Variants in MCCD1 observed in about 807,000 individuals in gnomAD.
MCCD1 encodes mitochondrial coiled-coil domain 1.
In MCCD1, 5 loss-of-function variants were observed where a neutral mutation model predicts 5.6. That is an observed-to-expected ratio of 0.89 (90% confidence interval 0.46 to 1.87). The LOEUF is 1.87. Among genes scored for constraint, MCCD1 ranks in the 40% most tolerant of loss-of-function variants. MCCD1 has a pLI of 0.01. For synonymous variants in MCCD1, 70 were observed against 57.3 expected, an observed-to-expected ratio of 1.22 and a Z score of -1.00; for missense variants, 178 against 141.8, an observed-to-expected ratio of 1.26 and a Z score of -1.30.
At chr6:31,529,700 C>T (rs753335982) in intron 1 of MCCD1, 47 bp from the exon 2 acceptor site, 32 of 1,402,076 alleles carry the variant, frequency 2.3e-5, no homozygotes, top group Non-Finnish European at 1.9e-6. Context: ...CCCAGGGCCT[C>T]AGCCCCCTGC....
At chr6:31,529,489 C>T (rs1766890037) in intron 1 of MCCD1, among the ~76,000 whole-genome samples, 1 of 151,868 alleles carries the variant, frequency 6.6e-6, no homozygotes. Context: ...TTCCAGTGAC[C>T]CCATATCCTT....
rs1253384988 is a variant in MCCD1, at chr6:31,529,965, G to A, written c.*30G>A. The A allele has an allele frequency of 2.0e-6, 3 of 1,473,986 alleles. No homozygotes were observed. The highest frequency in any genetic ancestry group is 2.7e-6 in the Non-Finnish European group (3 of 1,105,582). 91.3% of individuals were successfully genotyped at this position (1,473,986 alleles called of 1,614,324 possible). Reference sequence around the variant, plus strand: ...CCCCCAGTGCCCACAGCACCCTCCGGCGCTGAAAATACACGCACCACCCAC... The same window carrying A: ...CCCCCAGTGCCCACAGCACCCTCCGACGCTGAAAATACACGCACCACCCAC... On this transcript the variant is annotated 3_prime_UTR_variant, in exon 2 of 2. Transcript: ENST00000376191.
intron 1 of MCCD1, 147 bp from the exon 2 acceptor site, chr6:31,529,600 T>C: frequency 1.0e-6 from 1 of 991,162 alleles, no homozygotes; most frequent in Non-Finnish European, 1.4e-6. Context: ...TACCTGGCCT[T>C]CTCAGTACAG....
chr6:31,529,743 C>A lies in MCCD1; in HGVS notation c.172-4C>A, dbSNP rs113807067. 4,618 of 1,462,302 alleles carry A rather than the reference C, an allele frequency of 3.2e-3. 118 individuals are homozygous for A. In the African/African-American group the frequency reaches 0.053, roughly 17 times the overall value. The allele number at this position is 1,462,302 out of a possible 1,614,324, so 90.6% of individuals were successfully genotyped here. On this transcript the variant is annotated splice_region_variant and splice_polypyrimidine_tract_variant and intron_variant, in intron 1 of 1. Coordinates refer to ENST00000376191, the MANE Select transcript of MCCD1 (RefSeq NM_001011700.3). The stretch of plus-strand genomic sequence containing the variant: ...GATGCTCCCTCCCTTAATTCCCTGA[C>A]CAGGGCCCTGGGACCCACCGCACAG...
rs1207675468 is a variant in MCCD1 at position 31,530,061 on chromosome 6, C to T, written c.*126C>T. ...AGAAAGTGGAAGAGACCACAAAGCG[C>T]AGGCAATTGGCAGGCAGTGGGGGAG... On this transcript the variant is annotated 3_prime_UTR_variant, in exon 2 of 2. Transcript: ENST00000376191. The surrounding 1 kb of genome is among the most constrained non-coding windows in gnomAD (Gnocchi z 4.5). 7.1e-7 allele frequency: 1 copy of T among 1,412,724 alleles called. No individual in the cohort carries two copies. Among genetic ancestry groups the T allele is most frequent in the Non-Finnish European group, 9.3e-7 (1 of 1,077,996 alleles). 87.5% of individuals were successfully genotyped at this position (1,412,724 alleles called of 1,614,324 possible).
Position 31,529,800 on chromosome 6 carries a change from G to C in MCCD1, c.225G>C (p.Glu75Asp). 3 of 1,581,494 alleles carry C rather than the reference G, an allele frequency of 1.9e-6. No homozygotes were observed. The highest frequency in any genetic ancestry group is 1.7e-6 in the Non-Finnish European group (2 of 1,161,472). The change falls in exon 2 of 2, where the codon GAG becomes GAC. Residue 75 changes from glutamate (E) to aspartate (D), a missense_variant. Coordinates refer to ENST00000376191, the MANE Select transcript of MCCD1 (RefSeq NM_001011700.3). ...AELARAEELL[E>D]QQLELYQALL... ...TGGCCCGAGCTGAAGAGTTGTTGGA[G>C]CAGCAGCTGGAGCTGTACCAGGCCC...
chr6:31,529,551 CCTA>C (rs1766897673), intron 1 of MCCD1, among the ~76,000 whole-genome samples, 193 bp from the exon 2 acceptor site: 1 of 152,188 alleles, frequency 6.6e-6, no homozygotes. Flanking sequence ...ATTTGCTCCC[CCTA>C]CTACCACCCA....
chr6:31,529,981 C>G lies in MCCD1; in HGVS notation c.*46C>G. On this transcript the variant is annotated 3_prime_UTR_variant, in exon 2 of 2. Coordinates refer to ENST00000376191, the MANE Select transcript of MCCD1 (RefSeq NM_001011700.3). ...CACCCTCCGGCGCTGAAAATACACG[C>G]ACCACCCACCAGGAGCCTTGGGATC... The G allele has an allele frequency of 6.9e-7, 1 of 1,443,164 alleles. No homozygotes were observed. Among genetic ancestry groups the G allele is most frequent in the South Asian group, 1.5e-5 (1 of 68,886 alleles). The allele number at this position is 1,443,164 out of a possible 1,614,324, so 89.4% of individuals were successfully genotyped here.
Position 31,530,054 on chromosome 6 carries a change from C to T in MCCD1, c.*119C>T. 3 of 1,424,054 alleles carry T rather than the reference C, an allele frequency of 2.1e-6. No homozygotes were observed. The highest frequency in any genetic ancestry group is 2.8e-6 in the Non-Finnish European group (3 of 1,085,190). 88.2% of individuals were successfully genotyped at this position (1,424,054 alleles called of 1,614,324 possible). On this transcript the variant is annotated 3_prime_UTR_variant, in exon 2 of 2. Transcript: ENST00000376191. The surrounding 1 kb of genome is among the most constrained non-coding windows in gnomAD (Gnocchi z 4.5). ...AGGCCAGAGAAAGTGGAAGAGACCA[C>T]AAAGCGCAGGCAATTGGCAGGCAGT...
Position 31,529,565 on chromosome 6 carries a change from G to C in MCCD1, c.172-182G>C, listed in dbSNP as rs2734586. Among the ~76,000 whole-genome samples, 22,577 of 152,114 alleles carry C rather than the reference G, an allele frequency of 0.15. 1,762 individuals carry two copies. Among genetic ancestry groups the C allele is most frequent in the South Asian group, 0.25 (1,197 of 4,826 alleles). On this transcript the variant is annotated intron_variant, in intron 1 of 1. Transcript: ENST00000376191. Reference sequence around the variant, plus strand: ...TATTTGCTCCCCCTACTACCACCCAGAGGCCTATGCCCAAGACAGGAAGCT... The same window carrying C: ...TATTTGCTCCCCCTACTACCACCCACAGGCCTATGCCCAAGACAGGAAGCT...
chr6:31,530,040 A>T lies in MCCD1; in HGVS notation c.*105A>T. 7.0e-7 allele frequency: 1 copy of T among 1,426,700 alleles called. No homozygotes were observed. Among genetic ancestry groups the T allele is most frequent in the South Asian group, 1.6e-5 (1 of 63,636 alleles). 88.4% of individuals were successfully genotyped at this position (1,426,700 alleles called of 1,614,324 possible). A position where few individuals can be genotyped will look rare whatever the true frequency, so the allele number is the denominator to read the frequency against. On this transcript the variant is annotated 3_prime_UTR_variant, in exon 2 of 2. Transcript: ENST00000376191. This position sits in a 1 kb window ranked among gnomAD's most constrained non-coding sequence, Gnocchi z 4.5. ...CCCAGCGTCTTCCCAGGCCAGAGAA[A>T]GTGGAAGAGACCACAAAGCGCAGGC...
Position 31,529,166 on chromosome 6 carries a change from A to G in MCCD1, c.152A>G (p.Lys51Arg). 1 of 1,612,564 alleles carries G rather than the reference A, an allele frequency of 6.2e-7. No homozygotes were observed. Among genetic ancestry groups the G allele is most frequent in the African/African-American group, 1.3e-5 (1 of 75,006 alleles). Residue 51 changes from lysine (K) to arginine (R), a missense_variant, in exon 1 of 2, where the codon AAG becomes AGG. Transcript: ENST00000376191. ...CAGACCAGCTCCAGAGGAAATGGGA[A>G]GATGACGTCCCCTCCCAGGGTAAGT... ...EEQTSSRGNG[K>R]MTSPPRGPGT...
chr6:31,529,249 A>C, intron 1 of MCCD1, 64 bp downstream of exon 1: 1 of 1,544,586 alleles, frequency 6.5e-7, no homozygotes, highest in Non-Finnish European at 8.8e-7. Flanking sequence ...GGGAAAAAAA[A>C]ACCCTCAATC....
chr6:31,529,726 C>A (rs778276248), intron 1 of MCCD1, 21 bp from the exon 2 acceptor site: 1 of 1,437,542 alleles, frequency 7.0e-7, no homozygotes, highest in South Asian at 1.6e-5. Context: ...CTGATGCTCC[C>A]TCCCTTAATT....
Position 31,529,110 on chromosome 6 carries a change from C to T in MCCD1, c.96C>T (p.Cys32=). 1 of 1,612,766 alleles carries T rather than the reference C, an allele frequency of 6.2e-7. No homozygotes were observed. The highest frequency in any genetic ancestry group is 1.1e-5 in the South Asian group (1 of 91,062). The change falls in exon 1 of 2, where the codon TGC becomes TGT. Residue 32 remains cysteine (C), a synonymous_variant. Coordinates refer to ENST00000376191, the MANE Select transcript of MCCD1 (RefSeq NM_001011700.3). The part of the protein sequence containing the change: ...SLAPQGSHGC[C]SQNPKASMEE... ...CACCCCAGGGCTCCCATGGGTGCTGCTCCCAAAACCCCAAAGCAAGCATGG... is the reference window on the plus strand; with the variant it reads ...CACCCCAGGGCTCCCATGGGTGCTGTTCCCAAAACCCCAAAGCAAGCATGG...
chr6:31,529,854 G>C lies in MCCD1; in HGVS notation c.279G>C (p.Glu93Asp), dbSNP rs75150198. The C allele has an allele frequency of 5.1e-5, 81 of 1,583,818 alleles. 1 individual carries two copies. The East Asian group carries it at 5.9e-4, about 12-fold the overall frequency. The change falls in exon 2 of 2, where the codon GAG (glutamate) becomes GAC (aspartate). Residue 93 changes from glutamate to aspartate, a missense_variant. Glu to Asp is a conservative substitution (Grantham distance 45). Transcript: ENST00000376191. Reference sequence around the variant, plus strand: ...TTGAAGGGCAGGAGGGAGCCTGGGAGGCCCAAGCCCTGGTGCTCAAGATCC... The same window carrying C: ...TTGAAGGGCAGGAGGGAGCCTGGGACGCCCAAGCCCTGGTGCTCAAGATCC... Reference protein sequence around the residue: ...ALLEGQEGAWEAQALVLKIQK... With the variant: ...ALLEGQEGAWDAQALVLKIQK...
rs1766966901 is a variant in MCCD1 at position 31,529,983 on chromosome 6, C to G, written c.*48C>G. 1 of 1,442,672 alleles carries G rather than the reference C, an allele frequency of 6.9e-7. No individual in the cohort carries two copies. Among genetic ancestry groups the G allele is most frequent in the African/African-American group, 1.4e-5 (1 of 69,428 alleles). 89.4% of individuals were successfully genotyped at this position (1,442,672 alleles called of 1,614,324 possible). ...CCCTCCGGCGCTGAAAATACACGCA[C>G]CACCCACCAGGAGCCTTGGGATCAT... On this transcript the variant is annotated 3_prime_UTR_variant, in exon 2 of 2. Transcript: ENST00000376191.
At position 31,530,016 on chromosome 6, in the gene MCCD1, C is replaced by T. The variant is rs1012120593; in HGVS notation, c.*81C>T. The stretch of plus-strand genomic sequence containing the variant: ...CAGGAGCCTTGGGATCATAAACACC[C>T]CAGCGTCTTCCCAGGCCAGAGAAAG... On this transcript the variant is annotated 3_prime_UTR_variant, in exon 2 of 2. Coordinates refer to ENST00000376191, the MANE Select transcript of MCCD1 (RefSeq NM_001011700.3). The surrounding 1 kb of genome is among the most constrained non-coding windows in gnomAD (Gnocchi z 4.5). The T allele has an allele frequency of 3.5e-6, 5 of 1,428,796 alleles. No individual in the cohort carries two copies. The highest frequency in any genetic ancestry group is 2.6e-4 in the Middle Eastern group (1 of 3,816). The allele number at this position is 1,428,796 out of a possible 1,614,324, so 88.5% of individuals were successfully genotyped here. A position where few individuals can be genotyped will look rare whatever the true frequency, so the allele number is the denominator to read the frequency against.
In MCCD1 at chr6:31,529,075, TGGTCCTTGGCACCCCAG is replaced by T; in HGVS notation, c.64_80del (p.Ser22LeufsTer39). The T allele has an allele frequency of 6.2e-7, 1 of 1,612,722 alleles. No homozygotes were observed. The highest frequency in any genetic ancestry group is 8.5e-7 in the Non-Finnish European group (1 of 1,179,864). On this transcript the variant is annotated frameshift_variant, in exon 1 of 2. Coordinates refer to ENST00000376191, the MANE Select transcript of MCCD1 (RefSeq NM_001011700.3). LOFTEE classifies it high-confidence loss of function. Reference sequence around the variant, plus strand: ...TTTCCTTCGCCTCCTTCTGCCCTCCTGGTCCTTGGCACCCCAGGGCTCCCATGGGTGCTGCTCCCAAA... The same window carrying T: ...TTTCCTTCGCCTCCTTCTGCCCTCCTGGCTCCCATGGGTGCTGCTCCCAAA...
Sources: gnomAD v4.1 joint callset for allele counts (sites outside exome capture counted in the v4.1 genomes callset) on GRCh38, gnomAD v4.1.1 for gene constraint, Gnocchi (gnomAD v3.1) non-coding constraint, MANE v1.5 for transcripts, NCBI Gene and HGNC (gene_info 2026-07-23, HGNC 2026-07-21) for gene names.